LDLRAD4: variants seen among roughly 807,000 people sequenced by gnomAD.
The protein encoded by LDLRAD4 is low-density lipoprotein receptor class A domain-containing protein 4.
Under a neutral mutation model 17.0 loss-of-function variants are expected in LDLRAD4, and 5 were observed. The ratio of observed to expected loss-of-function variants is 0.29; its 90% CI spans 0.15 to 0.62. The LOEUF (loss-of-function observed/expected upper bound fraction) is 0.62, where lower values mean the gene tolerates loss of function less well. LDLRAD4 is among the 20% of genes least tolerant of loss of function. The pLI is 0.84. For missense variants in LDLRAD4, 340 were observed against 424.7 expected, an observed-to-expected ratio of 0.80 and a Z score of 1.75; for synonymous variants, 168 against 171.8, an observed-to-expected ratio of 0.98 and a Z score of 0.17.
chr18:13,555,970 G>A lies in LDLRAD4; in HGVS notation c.182-65147G>A, dbSNP rs576684424. 7.2e-5 allele frequency among the ~76,000 whole-genome samples: 11 copies of A among 152,232 alleles called. No individual in the cohort carries two copies. The East Asian group carries it at 1.5e-3, about 21-fold the overall frequency. On this transcript the variant is annotated intron_variant, in intron 3 of 5. Coordinates refer to ENST00000359446, the Ensembl canonical transcript of LDLRAD4. Reference sequence around the variant, plus strand: ...ATTATAGAGAGAATGTGAATCTGTGGTAAGCATTAGATTTATTCTCCATCT... The same window carrying A: ...ATTATAGAGAGAATGTGAATCTGTGATAAGCATTAGATTTATTCTCCATCT...
intron 1 of LDLRAD4, among the ~76,000 whole-genome samples, chr18:13,253,016 GTCCAGGGTGCAGGCCTGCTTCACTC>G (rs2043308248): frequency 6.6e-6 from 1 of 152,232 alleles, no homozygotes; most frequent in Non-Finnish European, 1.5e-5. Flanking sequence ...GGCACTGGGG[GTCCAGGGTGCAGGCCTGCTTCACTC>G]TGGGCACCCT....
rs2093373268 is a variant in LDLRAD4 at position 13,492,220 on chromosome 18, G to C, written c.181+53836G>C. The stretch of plus-strand genomic sequence containing the variant: ...TCAGGCCTGAGGGGCACAGAGGAAG[G>C]ATGCGAGTGGCCTGCCACAGGACTC... On this transcript the variant is annotated intron_variant, in intron 3 of 5. Coordinates refer to ENST00000359446, the Ensembl canonical transcript of LDLRAD4. Among the ~76,000 whole-genome samples the C allele has an allele frequency of 4.6e-5, 7 of 152,342 alleles. No homozygotes were observed. In the South Asian group the frequency reaches 1.5e-3, roughly 32 times the overall value.
chr18:13,297,240 C>A (rs1291349815), intron 1 of LDLRAD4, among the ~76,000 whole-genome samples: 1 of 152,172 alleles, frequency 6.6e-6, no homozygotes, highest in Non-Finnish European at 1.5e-5. Flanking sequence ...TACTAAGGGG[C>A]CTCTGCATTT....
chr18:13,586,539 A>G (rs906019846), intron 3 of LDLRAD4, among the ~76,000 whole-genome samples: 1 of 152,020 alleles, frequency 6.6e-6, no homozygotes, highest in African/African-American at 2.4e-5. Context: ...AGAAGAGCCT[A>G]GGAGCCCTGA....
intron 2 of LDLRAD4, among the ~76,000 whole-genome samples, chr18:13,417,414 C>T (rs1193645240): frequency 6.6e-6 from 1 of 151,122 alleles, no homozygotes; most frequent in African/African-American, 2.4e-5. Context: ...TAGAACAATG[C>T]TTTATTAGTT....
chr18:13,639,055 A>G, intron 4 of LDLRAD4, among the ~76,000 whole-genome samples: 1 of 152,262 alleles, frequency 6.6e-6, no homozygotes, highest in East Asian at 1.9e-4. Context: ...GTATGAAGTT[A>G]TTAACAAAGT....
At chr18:13,331,808 G>T (rs1315518751) in intron 1 of LDLRAD4, among the ~76,000 whole-genome samples, 1 of 152,168 alleles carries the variant, frequency 6.6e-6, no homozygotes, top group South Asian at 2.1e-4. Context: ...TAACAACTTG[G>T]AGGTTTCTCT....
At chr18:13,582,761 A>G (rs924357796) in intron 3 of LDLRAD4, among the ~76,000 whole-genome samples, 2 of 152,200 alleles carry the variant, frequency 1.3e-5, no homozygotes, top group African/African-American at 4.8e-5. Context: ...CACCCAGGCT[A>G]GAGTACAGTT....
At chr18:13,325,521 C>A (rs1287704802) in intron 1 of LDLRAD4, among the ~76,000 whole-genome samples, 2 of 152,306 alleles carry the variant, frequency 1.3e-5, no homozygotes, top group Admixed American at 6.5e-5. Context: ...AGTCCGCCCA[C>A]CCCCTTTAAA....
intron 4 of LDLRAD4, among the ~76,000 whole-genome samples, chr18:13,627,742 TA>T (rs903494935): frequency 9.9e-5 from 15 of 152,184 alleles, no homozygotes; most frequent in African/African-American, 3.4e-4. Context: ...CCTCTGTGAC[TA>T]AAGCTTATAG....
Position 13,645,812 on chromosome 18 carries a change from A to T in LDLRAD4, c.*155A>T, listed in dbSNP as rs1467381592. On this transcript the variant is annotated 3_prime_UTR_variant, in exon 6 of 6. Coordinates refer to ENST00000359446, the Ensembl canonical transcript of LDLRAD4. This position sits in a 1 kb window ranked among gnomAD's most constrained non-coding sequence, Gnocchi z 5.7. ...CTTTGTTTCTGATTCCTTTTAGGGG[A>T]ATTGCATGCAAACTAGACTGAAATG... 19 of 502,196 alleles carry T rather than the reference A, an allele frequency of 3.8e-5. No individual in the cohort carries two copies. Among genetic ancestry groups the T allele is most frequent in the Non-Finnish European group, 5.3e-5 (16 of 301,288 alleles). 31.1% of individuals were successfully genotyped at this position (502,196 alleles called of 1,614,324 possible).
chr18:13,434,953 C>T (rs554904207), intron 2 of LDLRAD4, among the ~76,000 whole-genome samples: 19 of 152,384 alleles, frequency 1.2e-4, no homozygotes, highest in African/African-American at 4.6e-4. Flanking sequence ...TGTCTGACTG[C>T]ACCTCAGGCC....
At chr18:13,350,252 G>A (rs866549452) in intron 1 of LDLRAD4, among the ~76,000 whole-genome samples, 3 of 152,144 alleles carry the variant, frequency 2.0e-5, no homozygotes, top group Non-Finnish European at 2.9e-5. Flanking sequence ...TACCATCAGT[G>A]CAAAAGCATT....
At chr18:13,218,570 C>T (rs563019058), upstream of LDLRAD4, among the ~76,000 whole-genome samples, 258 of 152,260 alleles carry the variant, frequency 1.7e-3, 1 homozygote, top group Middle Eastern at 0.01. Context: ...CAGGACCTGA[C>T]CGGGGAGTTT....
chr18:13,582,666 C>T lies in LDLRAD4; in HGVS notation c.182-38451C>T, dbSNP rs2094879356. On this transcript the variant is annotated intron_variant, in intron 3 of 5. Coordinates refer to ENST00000359446, the Ensembl canonical transcript of LDLRAD4. Reference sequence around the variant, plus strand: ...TGCCACGAGCTCTGCTCCTGGGTGGCTCGCCTCCCATGTGGCTCCACTTCA... The same window carrying T: ...TGCCACGAGCTCTGCTCCTGGGTGGTTCGCCTCCCATGTGGCTCCACTTCA... 2.0e-5 allele frequency among the ~76,000 whole-genome samples: 3 copies of T among 152,238 alleles called. No homozygotes were observed. The South Asian group carries it at 6.2e-4, about 31-fold the overall frequency.
chr18:13,507,291 G>A (rs1351401043), intron 3 of LDLRAD4, among the ~76,000 whole-genome samples: 2 of 152,228 alleles, frequency 1.3e-5, no homozygotes, highest in East Asian at 3.9e-4. Context: ...TGCTGTACCC[G>A]ATATTTAGTC....
chr18:13,320,956 G>A (rs1487778839), intron 1 of LDLRAD4, among the ~76,000 whole-genome samples: 2 of 152,198 alleles, frequency 1.3e-5, no homozygotes, highest in Non-Finnish European at 2.9e-5. Flanking sequence ...GTGTCTGCAG[G>A]TGGGGAAAAG....
chr18:13,475,396 G>C (rs946707317), intron 3 of LDLRAD4, among the ~76,000 whole-genome samples: 1 of 151,444 alleles, frequency 6.6e-6, no homozygotes, highest in Admixed American at 6.6e-5. Context: ...AGAGTAGCTG[G>C]GACTCTGGTG....
intron 1 of LDLRAD4, among the ~76,000 whole-genome samples, chr18:13,289,565 G>A (rs2045847634): frequency 6.6e-6 from 1 of 152,224 alleles, no homozygotes; most frequent in African/African-American, 2.4e-5. Context: ...GAGCTTCAGT[G>A]AAGAAAGCAT....
Sources: gnomAD v4.1 joint callset for allele counts (sites outside exome capture counted in the v4.1 genomes callset) on GRCh38, gnomAD v4.1.1 for gene constraint, Gnocchi (gnomAD v3.1) non-coding constraint, MANE v1.5 for transcripts, NCBI Gene and HGNC (gene_info 2026-07-23, HGNC 2026-07-21) for gene names.